The following YAF2 variants were observed in gnomAD, a reference collection of about 807,000 sequenced individuals.
The protein encoded by YAF2 is YY1 associated factor 2, also known as YY1-associated factor 2.
A neutral mutation model predicts 20.1 loss-of-function variants in YAF2; 7 were observed. The ratio of observed to expected loss-of-function variants is 0.35; its 90% CI spans 0.20 to 0.65. The LOEUF (loss-of-function observed/expected upper bound fraction) is 0.65. Among genes scored for constraint, YAF2 ranks in the 30% least tolerant of loss-of-function variants. YAF2 has a pLI of 0.69. For synonymous variants in YAF2, 74 were observed against 76.0 expected (o/e 0.97, Z 0.14); for missense variants, 151 against 219.2 (o/e 0.69, Z 1.96).
chr12:42,203,804 C>T (rs1387089560), intron 2 of YAF2, among the ~76,000 whole-genome samples: 1 of 152,180 alleles, frequency 6.6e-6, no homozygotes, highest in African/African-American at 2.4e-5. Context: ...AAATGCTAAA[C>T]TTGCCTGATA....
chr12:42,232,415 T>C, intron 2 of YAF2: 2 of 985,324 alleles, frequency 2.0e-6, no homozygotes, highest in Non-Finnish European at 2.4e-6. Context: ...TGAAAACCAC[T>C]CTGATATCCA....
chr12:42,160,538 T>C lies in YAF2; in HGVS notation c.*51A>G. 1 of 1,383,598 alleles carries C rather than the reference T, an allele frequency of 7.2e-7. No individual in the cohort carries two copies. The highest frequency in any genetic ancestry group is 1.0e-6 in the Non-Finnish European group (1 of 982,924). The allele number at this position is 1,383,598 out of a possible 1,614,324, so 85.7% of individuals were successfully genotyped here. On this transcript the variant is annotated 3_prime_UTR_variant, in exon 4 of 4. Coordinates refer to ENST00000534854, the MANE Select transcript of YAF2 (RefSeq NM_005748.6). ...ATGTGGTACCTCTTGGCATAATCTG[T>C]GTATTTGCATGGTAGGACAGAAGTG...
rs909719776 is a variant in YAF2, at chr12:42,157,622, G to T, written c.*2967C>A. ...ATGCTATCAACTTAGAAAGGCTGAA[G>T]TTTCTCTTCCTTTTTAAATGTTTTC... On this transcript the variant is annotated 3_prime_UTR_variant, in exon 4 of 4. Coordinates refer to ENST00000534854, the MANE Select transcript of YAF2 (RefSeq NM_005748.6). The T allele has an allele frequency of 6.6e-6, 1 of 152,108 alleles. No homozygotes were observed. Among genetic ancestry groups the T allele is most frequent in the African/African-American group, 2.4e-5 (1 of 41,434 alleles). The allele number at this position is 152,108 out of a possible 1,614,324, so 9.4% of individuals were successfully genotyped here.
intron 2 of YAF2, among the ~76,000 whole-genome samples, chr12:42,207,779 T>C (rs2067091164): frequency 8.1e-6 from 1 of 123,426 alleles, no homozygotes; most frequent in Admixed American, 8.5e-5. Flanking sequence ...TAGTCCCAGC[T>C]ACTTGGGAGG....
At chr12:42,186,844 C>T (rs891128011) in intron 2 of YAF2, among the ~76,000 whole-genome samples, 1 of 152,158 alleles carries the variant, frequency 6.6e-6, no homozygotes, top group African/African-American at 2.4e-5. Flanking sequence ...AAAAGAAACA[C>T]CCATCAGTAG....
At position 42,194,289 on chromosome 12, in the gene YAF2, C is replaced by T. The variant is rs375220735; in HGVS notation, c.153-32524G>A. On this transcript the variant is annotated intron_variant, in intron 2 of 3. Transcript: ENST00000534854. ...TTCCTTCACATTCATTCACTACTCACTCACTCACCCAGAGCAACCTCCAGC... is the reference window on the plus strand; with the variant it reads ...TTCCTTCACATTCATTCACTACTCATTCACTCACCCAGAGCAACCTCCAGC... Among the ~76,000 whole-genome samples, 5 of 152,292 alleles carry T rather than the reference C, an allele frequency of 3.3e-5. No homozygotes were observed. The East Asian group carries it at 9.6e-4, about 29-fold the overall frequency.
At chr12:42,175,750 A>AAAAAAAAAAAAAAAAAAAAAAAAAT (rs2066171214) in intron 2 of YAF2, among the ~76,000 whole-genome samples, 1 of 96,778 alleles carries the variant, frequency 1.0e-5, no homozygotes, top group Non-Finnish European at 2.3e-5. Flanking sequence ...CAAAAAAAAA[A>AAAAAAAAAAAAAAAAAAAAAAAAAT]AAAAAAAAAA....
chr12:42,185,176 GCAAACAAA>G (rs3990969), intron 2 of YAF2, among the ~76,000 whole-genome samples: 10 of 151,218 alleles, frequency 6.6e-5, no homozygotes, highest in East Asian at 2.0e-4. Context: ...AGACTTTGTC[GCAAACAAA>G]CAAACAAACA....
intron 2 of YAF2, among the ~76,000 whole-genome samples, chr12:42,218,191 C>CACACACACAA (rs776679285): frequency 1.2e-5 from 1 of 82,354 alleles, no homozygotes. Context: ...AGGAAACACA[C>CACACACACAA]ACACACACAC....
chr12:42,203,532 G>C (rs929769712), intron 2 of YAF2, among the ~76,000 whole-genome samples: 1 of 151,876 alleles, frequency 6.6e-6, no homozygotes, highest in Non-Finnish European at 1.5e-5. Flanking sequence ...TTGAAAGGTA[G>C]CCTTTACTGT....
chr12:42,238,171 T>G lies in YAF2; in HGVS notation c.10A>C (p.Lys4Gln). The stretch of plus-strand genomic sequence containing the variant: ...CGCTGTTACCTGGTGGGGCTCTTCT[T>G]GTCTCCCATGGCTTGGCTATCACCG... MGD[K>Q]KSPTRPKRQP... Residue 4 changes from lysine (K) to glutamine (Q), a missense_variant, in exon 1 of 4, where the codon AAG (lysine) becomes CAG (glutamine). Lys to Gln is a moderately conservative substitution (Grantham distance 53). Around this residue, in one of 3 missense-constraint regions of YAF2, gnomAD observed 50 missense variants for 58.3 expected, o/e 0.86. Transcript: ENST00000534854. 1.3e-6 allele frequency: 2 copies of G among 1,542,336 alleles called. No individual in the cohort carries two copies. The highest frequency in any genetic ancestry group is 1.7e-6 in the Non-Finnish European group (2 of 1,145,118).
Position 42,158,201 on chromosome 12 carries a change from T to TA in YAF2, c.*2387dup, listed in dbSNP as rs1055665329. 5 of 152,118 alleles carry TA rather than the reference T, an allele frequency of 3.3e-5. No individual in the cohort carries two copies. Among genetic ancestry groups the TA allele is most frequent in the East Asian group, 1.9e-4 (1 of 5,198 alleles). The allele number at this position is 152,118 out of a possible 1,614,324, so 9.4% of individuals were successfully genotyped here. A position where few individuals can be genotyped will look rare whatever the true frequency, so the allele number is the denominator to read the frequency against. Reference sequence around the variant, plus strand: ...ATACCTGTGATTAATAAAAGTAAAATAATTTCAAGTCAACTTAATTCATTT... The same window carrying TA: ...ATACCTGTGATTAATAAAAGTAAAATAAATTTCAAGTCAACTTAATTCATTT... On this transcript the variant is annotated 3_prime_UTR_variant, in exon 4 of 4. Transcript: ENST00000534854.
chr12:42,204,200 T>C (rs1361905265), intron 2 of YAF2, among the ~76,000 whole-genome samples: 1 of 152,208 alleles, frequency 6.6e-6, no homozygotes. Context: ...TGTACACTGC[T>C]GGTGGGAAAA....
intron 2 of YAF2, chr12:42,236,017 C>G: frequency 6.5e-7 from 1 of 1,535,636 alleles, no homozygotes; most frequent in Non-Finnish European, 8.7e-7. Context: ...AACATATAGG[C>G]TCTTCTAGTT....
chr12:42,233,227 G>A (rs929500908), intron 2 of YAF2: 1 of 985,232 alleles, frequency 1.0e-6, no homozygotes, highest in East Asian at 1.1e-4. Context: ...TAACACCTAT[G>A]AGAAACCTAA....
At chr12:42,229,421 TA>T (rs58885852) in intron 2 of YAF2, among the ~76,000 whole-genome samples, 11,596 of 143,192 alleles carry the variant, frequency 0.081, 546 homozygotes, top group East Asian at 0.16. Context: ...AAAAATAAAT[TA>T]AAAAAAAAAA....
chr12:42,189,387 C>T lies in YAF2; in HGVS notation c.153-27622G>A, dbSNP rs189638322. Reference sequence around the variant, plus strand: ...CAATCTTTATTAGGATTTTTTAATGCTACTCTGTTTTTGCAGATATTTGAA... The same window carrying T: ...CAATCTTTATTAGGATTTTTTAATGTTACTCTGTTTTTGCAGATATTTGAA... On this transcript the variant is annotated intron_variant, in intron 2 of 3. Coordinates refer to ENST00000534854, the MANE Select transcript of YAF2 (RefSeq NM_005748.6). Among the ~76,000 whole-genome samples the T allele has an allele frequency of 1.5e-3, 233 of 152,260 alleles. 2 individuals carry two copies. Among genetic ancestry groups the T allele is most frequent in the African/African-American group, 5.3e-3 (221 of 41,544 alleles).
At chr12:42,176,083 C>T (rs2066183046) in intron 2 of YAF2, among the ~76,000 whole-genome samples, 1 of 151,944 alleles carries the variant, frequency 6.6e-6, no homozygotes, top group African/African-American at 2.4e-5. Context: ...TCCGTCTCTA[C>T]TAAAAATACA....
intron 2 of YAF2, among the ~76,000 whole-genome samples, chr12:42,228,370 T>C (rs1338475812): frequency 7.7e-5 from 4 of 52,102 alleles, no homozygotes; most frequent in Admixed American, 7.1e-4. Context: ...CGGCCGCCCC[T>C]ACTGGGAAGT....
Sources: gnomAD v4.1 joint callset for allele counts (sites outside exome capture counted in the v4.1 genomes callset) on GRCh38, gnomAD v4.1.1 for gene constraint, gnomAD v4.1.1 regional missense constraint, MANE v1.5 for transcripts, NCBI Gene and HGNC (gene_info 2026-07-23, HGNC 2026-07-21) for gene names.